Variants in EYS observed in about 807,000 individuals in gnomAD.
EYS encodes the protein EGF-like photoreceptor maintenance factor, also known as protein eyes shut homolog.
Under a neutral mutation model 282.1 loss-of-function variants are expected in EYS, and 250 were observed. The observed-to-expected ratio is 0.89, with a 90% CI of 0.80 to 0.98. EYS has a LOEUF of 0.98. Ranked by LOEUF, EYS falls within the 50% of genes least tolerant of loss-of-function variation. The pLI is 0.00. For synonymous variants in EYS, 1,355 were observed against 1,282.9 expected (o/e 1.06, Z -1.20); for missense variants, 4,016 against 3,709.0 (o/e 1.08, Z -2.15).
At chr6:64,618,725 A>G (rs535596344) in intron 23 of EYS, among the ~76,000 whole-genome samples, 11 of 152,304 alleles carry the variant, frequency 7.2e-5, no homozygotes, top group African/African-American at 2.6e-4. Context: ...CCAAGAGACT[A>G]AATTTATCAA....
Position 64,034,781 on chromosome 6 carries a change from T to C in EYS, c.6725+31557A>G, listed in dbSNP as rs140498679. ...CCATCTATGGCATTAAGAGGAATAATGGACAATCAAGCATACAGTGAATAA... is the reference window on the plus strand; with the variant it reads ...CCATCTATGGCATTAAGAGGAATAACGGACAATCAAGCATACAGTGAATAA... On this transcript the variant is annotated intron_variant, in intron 33 of 42. Transcript: ENST00000503581. Among the ~76,000 whole-genome samples, 467 of 152,118 alleles carry C rather than the reference T, an allele frequency of 3.1e-3. 6 individuals carry two copies. Among genetic ancestry groups the C allele is most frequent in the Admixed American group, 0.025 (378 of 15,270 alleles).
At chr6:63,918,970 C>G (rs1048515133) in intron 35 of EYS, among the ~76,000 whole-genome samples, 1 of 152,160 alleles carries the variant, frequency 6.6e-6, no homozygotes. Flanking sequence ...CCTTTGCAAG[C>G]CTGGCATTAG....
intron 36 of EYS, among the ~76,000 whole-genome samples, chr6:63,839,638 A>G (rs1771898833): frequency 6.6e-6 from 1 of 152,042 alleles, no homozygotes; most frequent in African/African-American, 2.4e-5. Context: ...TATGAGTCAC[A>G]GTGCCCAGCC....
Position 65,594,423 on chromosome 6 carries a change from C to T in EYS, c.-333+45355G>A, listed in dbSNP as rs74883246. Among the ~76,000 whole-genome samples, 685 of 151,646 alleles carry T rather than the reference C, an allele frequency of 4.5e-3. 1 individual carries two copies. The highest frequency in any genetic ancestry group is 0.017 in the Middle Eastern group (5 of 294). Reference sequence around the variant, plus strand: ...TCAAACAGTAGTAAACTATTATTTACTGAATTGAATTAAATTGAATTTGTA... The same window carrying T: ...TCAAACAGTAGTAAACTATTATTTATTGAATTGAATTAAATTGAATTTGTA... On this transcript the variant is annotated intron_variant, in intron 2 of 42. Coordinates refer to ENST00000503581, the MANE Select transcript of EYS (RefSeq NM_001142800.2).
At chr6:64,675,943 A>G (rs1470491706) in intron 22 of EYS, among the ~76,000 whole-genome samples, 3 of 149,940 alleles carry the variant, frequency 2.0e-5, no homozygotes, top group Admixed American at 1.3e-4. Context: ...CTTTATATAT[A>G]TCTAGATATA....
At chr6:65,437,094 C>A (rs775199354) in intron 5 of EYS, among the ~76,000 whole-genome samples, 11 of 152,060 alleles carry the variant, frequency 7.2e-5, no homozygotes, top group Non-Finnish European at 1.6e-4. Flanking sequence ...AAAAGGAAAA[C>A]TTAATTTATT....
chr6:64,114,856 G>C (rs1054742590), intron 31 of EYS, among the ~76,000 whole-genome samples: 1 of 152,034 alleles, frequency 6.6e-6, no homozygotes, highest in Non-Finnish European at 1.5e-5. Context: ...TCCAGGGGAG[G>C]GAGATGCTGC....
intron 19 of EYS, among the ~76,000 whole-genome samples, chr6:64,855,433 A>G (rs1043745641): frequency 2.6e-5 from 4 of 151,838 alleles, no homozygotes; most frequent in Non-Finnish European, 4.4e-5. Context: ...TTCCAAAAGA[A>G]TTTTTCATCT....
chr6:64,284,516 G>T (rs1367629721), intron 30 of EYS, among the ~76,000 whole-genome samples: 1 of 152,064 alleles, frequency 6.6e-6, no homozygotes, highest in Non-Finnish European at 1.5e-5. Context: ...ACCATTCTGG[G>T]GTCTGGAGGA....
chr6:64,119,061 CAT>C (rs1162150220), intron 31 of EYS, among the ~76,000 whole-genome samples: 1 of 152,030 alleles, frequency 6.6e-6, no homozygotes, highest in African/African-American at 2.4e-5. Flanking sequence ...GTAATTATAT[CAT>C]GTGCATTCTG....
intron 22 of EYS, among the ~76,000 whole-genome samples, chr6:64,757,489 A>C (rs1162251474): frequency 1.3e-5 from 2 of 152,074 alleles, no homozygotes; most frequent in Non-Finnish European, 2.9e-5. Flanking sequence ...GTATGTTTTG[A>C]CTGTGTGAGT....
intron 24 of EYS, among the ~76,000 whole-genome samples, chr6:64,594,800 C>T (rs1218782169): frequency 6.6e-6 from 1 of 151,458 alleles, no homozygotes; most frequent in Non-Finnish European, 1.5e-5. Flanking sequence ...TGTAACAAAC[C>T]TGCACATTGT....
At chr6:64,020,683 T>A (rs778415860) in intron 33 of EYS, among the ~76,000 whole-genome samples, 1 of 152,190 alleles carries the variant, frequency 6.6e-6, no homozygotes, top group Non-Finnish European at 1.5e-5. Context: ...TTACTACTTA[T>A]GATAAAAAGA....
At chr6:65,661,762 A>C (rs1460155331) in intron 1 of EYS, among the ~76,000 whole-genome samples, 1 of 152,148 alleles carries the variant, frequency 6.6e-6, no homozygotes, top group Non-Finnish European at 1.5e-5. Context: ...AAATGTATGA[A>C]GATGGTAAAA....
intron 22 of EYS, among the ~76,000 whole-genome samples, chr6:64,788,722 T>C (rs1774095212): frequency 6.6e-6 from 1 of 152,168 alleles, no homozygotes; most frequent in Non-Finnish European, 1.5e-5. Context: ...TGCTTCTTAA[T>C]TTCTTTCCCT....
At position 65,070,411 on chromosome 6, in the gene EYS, T is replaced by A. The variant is rs538532282; in HGVS notation, c.2024-12684A>T. ...CTTATGTCTTGTCACTTTCTTTGCATCCACACTTAGCAGTCACTCACATGC... is the reference window on the plus strand; with the variant it reads ...CTTATGTCTTGTCACTTTCTTTGCAACCACACTTAGCAGTCACTCACATGC... On this transcript the variant is annotated intron_variant, in intron 12 of 42. Coordinates refer to ENST00000503581, the MANE Select transcript of EYS (RefSeq NM_001142800.2). 6.6e-4 allele frequency among the ~76,000 whole-genome samples: 100 copies of A among 152,054 alleles called. 3 individuals are homozygous for A. The South Asian group carries it at 0.02, about 30-fold the overall frequency.
intron 22 of EYS, among the ~76,000 whole-genome samples, chr6:64,724,062 ATTGTTGTTTTTTTTT>A (rs1771674557): frequency 6.7e-6 from 1 of 150,000 alleles, no homozygotes; most frequent in African/African-American, 2.5e-5. Context: ...TGTTATAATC[ATTGTTGTTTTTTTTT>A]TTGTTGTTTT....
chr6:65,410,963 T>C (rs1257355633), intron 5 of EYS, among the ~76,000 whole-genome samples: 1 of 152,044 alleles, frequency 6.6e-6, no homozygotes, highest in Non-Finnish European at 1.5e-5. Flanking sequence ...TTTTATTTTA[T>C]TTAAAAGAAA....
rs183631341 is a variant in EYS, at chr6:65,612,223, A to G, written c.-333+27555T>C. Reference sequence around the variant, plus strand: ...ATATATATGTATATATATGATATATATGTGTATATGTATATATCATATATA... The same window carrying G: ...ATATATATGTATATATATGATATATGTGTGTATATGTATATATCATATATA... On this transcript the variant is annotated intron_variant, in intron 2 of 42. Coordinates refer to ENST00000503581, the MANE Select transcript of EYS (RefSeq NM_001142800.2). Among the ~76,000 whole-genome samples the G allele has an allele frequency of 6.4e-3, 961 of 150,712 alleles. 3 individuals are homozygous for G. The highest frequency in any genetic ancestry group is 0.01 in the Non-Finnish European group (705 of 67,584).
Sources: gnomAD v4.1 joint callset for allele counts (sites outside exome capture counted in the v4.1 genomes callset) on GRCh38, gnomAD v4.1.1 for gene constraint, MANE v1.5 for transcripts, NCBI Gene and HGNC (gene_info 2026-07-23, HGNC 2026-07-21) for gene names.